Variants in USP12 observed in about 807,000 individuals in gnomAD.
The protein encoded by USP12 is ubiquitin specific peptidase 12, also known as ubiquitin carboxyl-terminal hydrolase 12.
Under a neutral mutation model 45.5 loss-of-function variants are expected in USP12, and 19 were observed. The observed-to-expected ratio is 0.42, with a 90% CI of 0.29 to 0.61. The LOEUF is 0.61. Among genes scored for constraint, USP12 ranks in the 20% least tolerant of loss-of-function variants. The pLI is 0.22. For synonymous variants in USP12, 149 were observed against 148.8 expected (o/e 1.00, Z -0.01); for missense variants, 242 against 447.7 (o/e 0.54, Z 4.15).
intron 1 of USP12, among the ~76,000 whole-genome samples, chr13:27,127,723 C>T (rs1051853722): frequency 1.1e-4 from 16 of 152,218 alleles, no homozygotes; most frequent in Admixed American, 9.2e-4. Context: ...TCTCCTTCAA[C>T]TGCCACCACA....
intron 1 of USP12, among the ~76,000 whole-genome samples, chr13:27,150,729 T>TA (rs1293085268): frequency 6.6e-6 from 1 of 152,088 alleles, no homozygotes; most frequent in Non-Finnish European, 1.5e-5. Flanking sequence ...ATCAATGAAT[T>TA]AAAATTGAGG....
chr13:27,094,082 C>A (rs190616584), intron 4 of USP12, among the ~76,000 whole-genome samples: 4 of 151,294 alleles, frequency 2.6e-5, no homozygotes, highest in African/African-American at 9.7e-5. Flanking sequence ...AAGATGAGAT[C>A]AGGCAAAATC....
chr13:27,145,822 G>A (rs1387961643), intron 1 of USP12, among the ~76,000 whole-genome samples: 1 of 151,754 alleles, frequency 6.6e-6, no homozygotes, highest in Non-Finnish European at 1.5e-5. Context: ...GTCCCCAAGA[G>A]GTTACAAAAT....
chr13:27,100,791 G>A (rs1417808532), intron 3 of USP12, among the ~76,000 whole-genome samples: 1 of 152,156 alleles, frequency 6.6e-6, no homozygotes, highest in Non-Finnish European at 1.5e-5. Context: ...AAGTCCTAGA[G>A]GAATCTAAAA....
At chr13:27,155,446 A>G (rs1201123295) in intron 1 of USP12, among the ~76,000 whole-genome samples, 1 of 152,174 alleles carries the variant, frequency 6.6e-6, no homozygotes, top group African/African-American at 2.4e-5. Flanking sequence ...GTAATATGTT[A>G]CAGCCCCATT....
intron 1 of USP12, among the ~76,000 whole-genome samples, chr13:27,159,885 A>C (rs1009782348): frequency 6.6e-6 from 1 of 152,236 alleles, no homozygotes; most frequent in African/African-American, 2.4e-5. Context: ...AATAACTACA[A>C]CCCAGTTTCA....
intron 1 of USP12, 134 bp downstream of exon 1, chr13:27,171,450 GCCCGGGCC>G (rs1878605268): frequency 1.9e-4 from 1 of 5,236 alleles, no homozygotes; most frequent in Non-Finnish European, 3.1e-4. Context: ...AACCGCCCCC[GCCCGGGCC>G]GCCCGGGCCG....
At chr13:27,073,775 A>T (rs1293964197) in intron 7 of USP12, among the ~76,000 whole-genome samples, 1 of 152,240 alleles carries the variant, frequency 6.6e-6, no homozygotes, top group African/African-American at 2.4e-5. Flanking sequence ...CTAACAAAGC[A>T]ATGTGGTAAT....
chr13:27,109,907 G>T (rs1427632910), intron 2 of USP12, among the ~76,000 whole-genome samples: 2 of 26,528 alleles, frequency 7.5e-5, no homozygotes, highest in Admixed American at 7.1e-4. Context: ...GTGAGACTCT[G>T]TCTCCAAAAA....
intron 3 of USP12, among the ~76,000 whole-genome samples, chr13:27,103,604 A>AAAAAAAT (rs1555234505): frequency 2.0e-5 from 1 of 49,652 alleles, no homozygotes; most frequent in Non-Finnish European, 4.0e-5. Context: ...CTATCAAAAA[A>AAAAAAAT]AAAAATAATA....
intron 7 of USP12, among the ~76,000 whole-genome samples, chr13:27,073,087 A>G (rs1047709655): frequency 1.3e-5 from 2 of 152,210 alleles, no homozygotes; most frequent in Non-Finnish European, 2.9e-5. Flanking sequence ...ATTTATGTGA[A>G]GACAATGGAG....
chr13:27,110,519 C>A (rs1875387282), intron 2 of USP12, among the ~76,000 whole-genome samples: 1 of 152,124 alleles, frequency 6.6e-6, no homozygotes. Context: ...GAGATCCAAC[C>A]CCTCTCCAGC....
chr13:27,099,124 T>A (rs1044995583), intron 3 of USP12, among the ~76,000 whole-genome samples: 10 of 152,094 alleles, frequency 6.6e-5, no homozygotes, highest in African/African-American at 2.4e-4. Flanking sequence ...ACATATATAT[T>A]TAAGTGCATA....
intron 1 of USP12, among the ~76,000 whole-genome samples, chr13:27,134,362 T>C (rs1007371674): frequency 1.2e-4 from 18 of 152,138 alleles, no homozygotes; most frequent in African/African-American, 4.3e-4. Context: ...CTCTATTATA[T>C]TCTGAAAAGA....
At chr13:27,078,670 T>C (rs377200398) in intron 6 of USP12, among the ~76,000 whole-genome samples, 1 of 151,546 alleles carries the variant, frequency 6.6e-6, no homozygotes, top group Non-Finnish European at 1.5e-5. Flanking sequence ...AAAGAATACT[T>C]CATAATAATG....
intron 3 of USP12, 120 bp downstream of exon 3, chr13:27,105,611 G>T: frequency 1.1e-6 from 1 of 950,896 alleles, no homozygotes; most frequent in Non-Finnish European, 1.6e-6. Context: ...TGTCATCCTT[G>T]TTTCTTCAAC....
chr13:27,102,790 C>T (rs941709553), intron 3 of USP12, among the ~76,000 whole-genome samples: 1 of 152,074 alleles, frequency 6.6e-6, no homozygotes, highest in African/African-American at 2.4e-5. Flanking sequence ...TGCTTCCCCA[C>T]GAGGGTGTCA....
chr13:27,110,110 G>A (rs999157356), intron 2 of USP12, among the ~76,000 whole-genome samples: 1 of 113,400 alleles, frequency 8.8e-6, no homozygotes, highest in African/African-American at 3.4e-5. Context: ...ATGATGACTA[G>A]GATTTCCTTT....
At chr13:27,122,399 T>C (rs1876034238) in intron 1 of USP12, among the ~76,000 whole-genome samples, 1 of 152,210 alleles carries the variant, frequency 6.6e-6, no homozygotes, top group South Asian at 2.1e-4. Context: ...CATGTGGAAC[T>C]GTAAGTCCAA....
Sources: allele counts gnomAD v4.1 joint callset (sites outside exome capture counted in the v4.1 genomes callset), GRCh38; gene constraint gnomAD v4.1.1; transcripts MANE v1.5; gene names NCBI Gene and HGNC (gene_info 2026-07-23, HGNC 2026-07-21).